The following FLRT1 variants were observed in gnomAD, a reference collection of about 807,000 sequenced individuals.
FLRT1 encodes the protein fibronectin leucine rich transmembrane protein 1, also known as leucine-rich repeat transmembrane protein FLRT1.
In FLRT1, 14 loss-of-function variants were observed where a neutral mutation model predicts 30.9. That is an observed-to-expected ratio of 0.45 (90% confidence interval 0.30 to 0.71). The LOEUF (loss-of-function observed/expected upper bound fraction) is 0.71. FLRT1 is among the 30% of genes least tolerant of loss of function. The probability of loss-of-function intolerance (pLI) is 0.08; values close to 1 mark genes in which losing one functional copy is unlikely to be tolerated. For synonymous variants in FLRT1, 368 were observed against 430.4 expected, an observed-to-expected ratio of 0.85 and a Z score of 1.80; for missense variants, 737 against 949.2, an observed-to-expected ratio of 0.78 and a Z score of 2.94.
chr11:64,047,421 G>C (rs1405807737), intron 1 of FLRT1, among the ~76,000 whole-genome samples: 1 of 152,162 alleles, frequency 6.6e-6, no homozygotes, highest in Admixed American at 6.5e-5. Context: ...TCCATGCCAT[G>C]GGGTCCCTGT....
At chr11:64,087,533 G>A (rs577995238) in intron 1 of FLRT1, among the ~76,000 whole-genome samples, 2 of 152,342 alleles carry the variant, frequency 1.3e-5, no homozygotes, top group East Asian at 3.9e-4. Flanking sequence ...GGGCTTGGAG[G>A]CAAGCACGCA....
At chr11:64,097,089 C>T (rs1944590028) in intron 1 of FLRT1, among the ~76,000 whole-genome samples, 1 of 152,230 alleles carries the variant, frequency 6.6e-6, no homozygotes, top group Admixed American at 6.5e-5. Flanking sequence ...TGGCGGTGCC[C>T]ACTGGCAGCT....
intron 1 of FLRT1, among the ~76,000 whole-genome samples, chr11:64,055,311 T>C (rs1943764694): frequency 6.6e-6 from 1 of 152,210 alleles, no homozygotes; most frequent in Non-Finnish European, 1.5e-5. Flanking sequence ...AATGCCATCA[T>C]CACACTCAGA....
intron 1 of FLRT1, among the ~76,000 whole-genome samples, chr11:64,076,935 C>T (rs922356444): frequency 4.6e-5 from 7 of 152,260 alleles, no homozygotes; most frequent in Admixed American, 2.0e-4. Context: ...GGGATCAGCA[C>T]GGAGAGAATT....
intron 2 of FLRT1, among the ~76,000 whole-genome samples, chr11:64,112,736 A>AG (rs1944884908): frequency 6.6e-6 from 1 of 152,066 alleles, no homozygotes. Flanking sequence ...TGGGGATACT[A>AG]GGGGGTGCCT....
chr11:64,052,168 G>A (rs779468975), intron 1 of FLRT1, among the ~76,000 whole-genome samples: 2 of 151,938 alleles, frequency 1.3e-5, no homozygotes, highest in South Asian at 4.1e-4. Flanking sequence ...TCCCAACAAG[G>A]CACCCAGAGC....
At chr11:64,054,375 G>A (rs889764339) in intron 1 of FLRT1, among the ~76,000 whole-genome samples, 6 of 152,230 alleles carry the variant, frequency 3.9e-5, no homozygotes, top group South Asian at 2.1e-4. Flanking sequence ...GAGACTGAGT[G>A]CTTTCGGCAG....
At chr11:64,108,428 G>A (rs149147763) in intron 2 of FLRT1, among the ~76,000 whole-genome samples, 32 of 152,290 alleles carry the variant, frequency 2.1e-4, no homozygotes, top group African/African-American at 7.5e-4. Context: ...GCTTCCTGGC[G>A]AGAAGGAGGG....
At chr11:64,110,187 C>T (rs137975330) in intron 2 of FLRT1, among the ~76,000 whole-genome samples, 90 of 152,218 alleles carry the variant, frequency 5.9e-4, no homozygotes, top group African/African-American at 1.8e-3. Context: ...TGGTGGCTCA[C>T]GCGTATAATC....
At chr11:64,038,305 G>A (rs1026190381) in intron 1 of FLRT1, among the ~76,000 whole-genome samples, 2 of 152,198 alleles carry the variant, frequency 1.3e-5, no homozygotes, top group Non-Finnish European at 2.9e-5. Flanking sequence ...CTCCCCTCTG[G>A]GACCGGCTTC....
At chr11:64,089,267 G>C (rs1944448831) in intron 1 of FLRT1, among the ~76,000 whole-genome samples, 1 of 152,172 alleles carries the variant, frequency 6.6e-6, no homozygotes, top group South Asian at 2.1e-4. Context: ...AGCAGGGCTT[G>C]GTGCTGCTGT....
intron 1 of FLRT1, among the ~76,000 whole-genome samples, chr11:64,081,184 G>C (rs555163470): frequency 6.6e-6 from 1 of 152,284 alleles, no homozygotes; most frequent in African/African-American, 2.4e-5. Flanking sequence ...ACCATGCCTA[G>C]CTAATTTTTG....
chr11:64,091,784 C>T (rs1036300786), intron 1 of FLRT1, among the ~76,000 whole-genome samples: 3 of 152,316 alleles, frequency 2.0e-5, no homozygotes, highest in African/African-American at 7.2e-5. Flanking sequence ...CTTCCCACAA[C>T]AGCCCTCCTG....
chr11:64,048,637 C>T (rs1943631442), intron 1 of FLRT1, among the ~76,000 whole-genome samples: 1 of 152,210 alleles, frequency 6.6e-6, no homozygotes, highest in Non-Finnish European at 1.5e-5. Context: ...CCGCTAAGCA[C>T]TTTATGCGTC....
intron 1 of FLRT1, among the ~76,000 whole-genome samples, chr11:64,048,139 C>T (rs1371199943): frequency 6.6e-6 from 1 of 152,212 alleles, no homozygotes; most frequent in Non-Finnish European, 1.5e-5. Context: ...GGGCAGGGGC[C>T]CTGCCCCCAC....
At position 64,036,265 on chromosome 11, in the gene FLRT1, G is replaced by T. The variant is rs1192273692; in HGVS notation, c.-1038+106G>T. On this transcript the variant is annotated intron_variant, in intron 1 of 2. Coordinates refer to ENST00000682287, the MANE Select transcript of FLRT1 (RefSeq NM_013280.5). The surrounding 1 kb of genome is among the most constrained non-coding windows in gnomAD (Gnocchi z 5.6). ...GGCCCGGGGGCACCGAAGCGCCACG[G>T]GGTCAGGCAGCCTGGCTTTGCCCCA... 1 of 152,248 alleles carries T rather than the reference G, an allele frequency of 6.6e-6. No homozygotes were observed. The highest frequency in any genetic ancestry group is 2.4e-5 in the African/African-American group (1 of 41,430). 9.4% of individuals were successfully genotyped at this position (152,248 alleles called of 1,614,324 possible).
In FLRT1 at chr11:64,067,561, AG is replaced by A. The variant is rs1299061414; in HGVS notation, c.-1038+31405del. 6.6e-6 allele frequency among the ~76,000 whole-genome samples: 1 copy of A among 152,092 alleles called. No homozygotes were observed. The highest frequency in any genetic ancestry group is 6.5e-5 in the Admixed American group (1 of 15,268). On this transcript the variant is annotated intron_variant, in intron 1 of 2. Coordinates refer to ENST00000682287, the MANE Select transcript of FLRT1 (RefSeq NM_013280.5). The surrounding 1 kb of genome is among the most constrained non-coding windows in gnomAD (Gnocchi z 4.6). Reference sequence around the variant, plus strand: ...CCCCTGGGGCTCAGGGACCCAAAGCAGGGACCAGGACCCAGGCTTGTCTCCC... The same window carrying A: ...CCCCTGGGGCTCAGGGACCCAAAGCAGGACCAGGACCCAGGCTTGTCTCCC...
At chr11:64,037,874 GGATT>G (rs894138175) in intron 1 of FLRT1, among the ~76,000 whole-genome samples, 2 of 152,310 alleles carry the variant, frequency 1.3e-5, no homozygotes, top group Non-Finnish European at 2.9e-5. Context: ...TGGTAAAATG[GGATT>G]GATAGTGCCA....
chr11:64,065,228 C>T (rs952211801), intron 1 of FLRT1, among the ~76,000 whole-genome samples: 3 of 152,110 alleles, frequency 2.0e-5, no homozygotes, highest in Non-Finnish European at 2.9e-5. Flanking sequence ...AGATGAAGAG[C>T]GGGTAGAGTG....
Sources: gnomAD v4.1 joint callset for allele counts (sites outside exome capture counted in the v4.1 genomes callset) on GRCh38, gnomAD v4.1.1 for gene constraint, Gnocchi (gnomAD v3.1) non-coding constraint, MANE v1.5 for transcripts, NCBI Gene and HGNC (gene_info 2026-07-23, HGNC 2026-07-21) for gene names.